Variants in EBF2 observed in about 807,000 individuals in gnomAD.
EBF2 encodes the protein EBF transcription factor 2, also known as transcription factor COE2.
In EBF2, 21 loss-of-function variants were observed where a neutral mutation model predicts 72.8. The observed-to-expected ratio is 0.29, with a 90% CI of 0.20 to 0.42. The LOEUF (loss-of-function observed/expected upper bound fraction) is 0.42. EBF2 is among the 10% of genes least tolerant of loss of function. The pLI, the probability that EBF2 is intolerant of heterozygous loss-of-function variation, is 1.00. For missense variants in EBF2, 637 were observed against 731.2 expected (o/e 0.87, Z 1.49); for synonymous variants, 299 against 274.2 (o/e 1.09, Z -0.89).
At chr8:25,945,154 G>C (rs889860119) in intron 6 of EBF2, among the ~76,000 whole-genome samples, 1 of 122,872 alleles carries the variant, frequency 8.1e-6, no homozygotes, top group Non-Finnish European at 1.6e-5. Flanking sequence ...CTGAGCTACA[G>C]TTCCTGTCAC....
intron 6 of EBF2, among the ~76,000 whole-genome samples, chr8:25,939,930 C>T (rs1803642006): frequency 6.6e-6 from 1 of 152,064 alleles, no homozygotes; most frequent in South Asian, 2.1e-4. Flanking sequence ...AAACAGACTG[C>T]CTTGTTAGGC....
chr8:25,896,602 A>G (rs961282821), intron 7 of EBF2, among the ~76,000 whole-genome samples: 4 of 152,232 alleles, frequency 2.6e-5, no homozygotes, highest in African/African-American at 4.8e-5. Flanking sequence ...TTCCCAAAGC[A>G]TAACTGTTAT....
Position 26,042,351 on chromosome 8 carries a change from T to C in EBF2, c.132-100A>G, listed in dbSNP as rs554699442. 261 of 1,413,270 alleles carry C rather than the reference T, an allele frequency of 1.8e-4. 1 individual carries two copies. The African/African-American group carries it at 3.0e-3, about 16-fold the overall frequency. The allele number at this position is 1,413,270 out of a possible 1,614,324, so 87.5% of individuals were successfully genotyped here. A position where few individuals can be genotyped will look rare whatever the true frequency, so the allele number is the denominator to read the frequency against. ...CACTGCAGAGGGGTAAGGGGTCCAC[T>C]TCCCAGGTCCAGAGTTCTGAACCCT... On this transcript the variant is annotated intron_variant, in intron 1 of 15. Transcript: ENST00000520164.
intron 6 of EBF2, among the ~76,000 whole-genome samples, chr8:25,930,934 G>A (rs985621909): frequency 2.6e-5 from 4 of 152,078 alleles, no homozygotes; most frequent in Admixed American, 6.5e-5. Context: ...GGACTGCCTG[G>A]TAAGATTTTC....
chr8:25,960,261 G>A (rs11781080), intron 6 of EBF2, among the ~76,000 whole-genome samples: 34,267 of 152,186 alleles, frequency 0.23, 4,148 homozygotes, highest in Non-Finnish European at 0.27. Context: ...ATTGTCAGAT[G>A]GGCAGTCTAT....
At chr8:25,892,627 T>C (rs1303456325) in intron 7 of EBF2, among the ~76,000 whole-genome samples, 1 of 152,170 alleles carries the variant, frequency 6.6e-6, no homozygotes, top group Non-Finnish European at 1.5e-5. Flanking sequence ...ATTTTTAGCA[T>C]AATAGGTTTG....
At chr8:25,986,379 T>A (rs1418169757) in intron 6 of EBF2, among the ~76,000 whole-genome samples, 1 of 152,218 alleles carries the variant, frequency 6.6e-6, no homozygotes, top group African/African-American at 2.4e-5. Flanking sequence ...CATTGTTGAA[T>A]GTGGAATCAC....
intron 6 of EBF2, among the ~76,000 whole-genome samples, chr8:25,950,885 G>A (rs575434818): frequency 6.6e-6 from 1 of 152,134 alleles, no homozygotes; most frequent in African/African-American, 2.4e-5. Flanking sequence ...AAAAAAGGAA[G>A]CAGAGTTTTA....
intron 15 of EBF2, among the ~76,000 whole-genome samples, chr8:25,849,235 C>A (rs1361076829): frequency 6.6e-6 from 1 of 152,180 alleles, no homozygotes; most frequent in African/African-American, 2.4e-5. Flanking sequence ...CTGGGTTTTC[C>A]ATTCTGGTTT....
At chr8:26,033,577 C>G (rs1033556922) in intron 5 of EBF2, among the ~76,000 whole-genome samples, 1 of 152,140 alleles carries the variant, frequency 6.6e-6, no homozygotes, top group African/African-American at 2.4e-5. Context: ...AAACAACACA[C>G]ACTGGGGCCT....
chr8:26,038,236 T>A lies in EBF2; in HGVS notation c.482+1792A>T, dbSNP rs111500448. Among the ~76,000 whole-genome samples, 464 of 152,350 alleles carry A rather than the reference T, an allele frequency of 3.0e-3. 3 individuals are homozygous for A. Among genetic ancestry groups the A allele is most frequent in the African/African-American group, 0.01 (416 of 41,578 alleles). On this transcript the variant is annotated intron_variant, in intron 5 of 15. Coordinates refer to ENST00000520164, the MANE Select transcript of EBF2 (RefSeq NM_022659.4). ...ATCCAATGGATCATTTATTTACACATAATTAATATTTATTTTAAATTGTAG... is the reference window on the plus strand; with the variant it reads ...ATCCAATGGATCATTTATTTACACAAAATTAATATTTATTTTAAATTGTAG...
At chr8:25,866,228 A>G (rs1392986350) in intron 10 of EBF2, among the ~76,000 whole-genome samples, 2 of 151,748 alleles carry the variant, frequency 1.3e-5, no homozygotes, top group Non-Finnish European at 2.9e-5. Flanking sequence ...TTCCCAAACA[A>G]TGCCCCAAAA....
In EBF2 at chr8:25,938,718, T is replaced by A. The variant is rs112974091; in HGVS notation, c.552-30163A>T. Among the ~76,000 whole-genome samples, 776 of 152,254 alleles carry A rather than the reference T, an allele frequency of 5.1e-3. 11 individuals are homozygous for A. The highest frequency in any genetic ancestry group is 0.018 in the African/African-American group (746 of 41,554). On this transcript the variant is annotated intron_variant, in intron 6 of 15. Coordinates refer to ENST00000520164, the MANE Select transcript of EBF2 (RefSeq NM_022659.4). ...CTCAGGGATGCAGTAAAAAGAACCCTGGACTAAGACTCCAGGGCTGGATTC... is the reference window on the plus strand; with the variant it reads ...CTCAGGGATGCAGTAAAAAGAACCCAGGACTAAGACTCCAGGGCTGGATTC...
chr8:25,946,524 G>A (rs558546122), intron 6 of EBF2, among the ~76,000 whole-genome samples: 1 of 152,316 alleles, frequency 6.6e-6, no homozygotes, highest in African/African-American at 2.4e-5. Flanking sequence ...GGACTCTGCA[G>A]AGATGTCATC....
intron 5 of EBF2, among the ~76,000 whole-genome samples, chr8:26,034,490 A>T (rs79594640): frequency 0.15 from 23,419 of 152,194 alleles, 2,061 homozygotes; most frequent in Non-Finnish European, 0.2. Context: ...ACTCCCTAGG[A>T]CCTGAGAGGG....
At chr8:25,939,810 G>T (rs1009977907) in intron 6 of EBF2, among the ~76,000 whole-genome samples, 1 of 152,210 alleles carries the variant, frequency 6.6e-6, no homozygotes, top group Admixed American at 6.5e-5. Flanking sequence ...GCTTTGGAGT[G>T]TTCACAGTTC....
intron 6 of EBF2, among the ~76,000 whole-genome samples, chr8:25,959,330 G>A (rs921569531): frequency 1.3e-5 from 2 of 152,112 alleles, no homozygotes; most frequent in Non-Finnish European, 2.9e-5. Flanking sequence ...TCAGCCTCCT[G>A]AGTAGCTGGG....
At chr8:26,023,788 G>A (rs1563211761) in intron 6 of EBF2, among the ~76,000 whole-genome samples, 1 of 152,134 alleles carries the variant, frequency 6.6e-6, no homozygotes, top group Non-Finnish European at 1.5e-5. Context: ...GTGTGCTGGG[G>A]GAGGGGAAGC....
intron 6 of EBF2, among the ~76,000 whole-genome samples, chr8:25,994,899 T>C (rs1403577510): frequency 1.3e-5 from 2 of 152,016 alleles, no homozygotes; most frequent in East Asian, 1.9e-4. Context: ...ATGTAACAAA[T>C]GTGCACATGC....
Sources: gnomAD v4.1 joint callset for allele counts (sites outside exome capture counted in the v4.1 genomes callset) on GRCh38, gnomAD v4.1.1 for gene constraint, MANE v1.5 for transcripts, NCBI Gene and HGNC (gene_info 2026-07-23, HGNC 2026-07-21) for gene names.